The following TTC29 variants were observed in gnomAD, a reference collection of about 807,000 sequenced individuals.
TTC29 encodes the protein tetratricopeptide repeat protein 29.
Under a neutral mutation model 58.1 loss-of-function variants are expected in TTC29, and 49 were observed. The ratio of observed to expected loss-of-function variants is 0.84; its 90% CI spans 0.67 to 1.07. The LOEUF is 1.07. TTC29 is among the 50% of genes least tolerant of loss of function. The pLI is 0.00. For synonymous variants in TTC29, 209 were observed against 196.8 expected, an observed-to-expected ratio of 1.06 and a Z score of -0.52; for missense variants, 582 against 555.6, an observed-to-expected ratio of 1.05 and a Z score of -0.48.
chr4:146,932,083 C>T (rs1735377405), intron 4 of TTC29, among the ~76,000 whole-genome samples: 1 of 151,852 alleles, frequency 6.6e-6, no homozygotes, highest in East Asian at 1.9e-4. Context: ...GTTTCACATC[C>T]TAGAGATCTG....
intron 4 of TTC29, among the ~76,000 whole-genome samples, chr4:146,923,879 T>C (rs1734757843): frequency 6.6e-6 from 1 of 151,810 alleles, no homozygotes; most frequent in Admixed American, 6.6e-5. Flanking sequence ...ATTTCAACTA[T>C]ATTGATAAAA....
chr4:146,845,015 C>T (rs558702441), intron 8 of TTC29, among the ~76,000 whole-genome samples: 2 of 151,580 alleles, frequency 1.3e-5, no homozygotes, highest in South Asian at 2.1e-4. Flanking sequence ...CTCAGCCCCT[C>T]GTCTTCCAGG....
At chr4:146,841,598 C>T (rs181544429) in intron 8 of TTC29, among the ~76,000 whole-genome samples, 2 of 151,836 alleles carry the variant, frequency 1.3e-5, no homozygotes, top group Admixed American at 6.6e-5. Flanking sequence ...TCCTCTGTAC[C>T]TATTCCTTTC....
intron 5 of TTC29, among the ~76,000 whole-genome samples, chr4:146,908,342 C>T (rs959245073): frequency 2.6e-5 from 4 of 151,954 alleles, no homozygotes; most frequent in African/African-American, 9.7e-5. Context: ...GTTAAAATGA[C>T]CAGTTCCTAA....
At chr4:146,732,334 T>C (rs180932895) in intron 11 of TTC29, among the ~76,000 whole-genome samples, 28 of 152,264 alleles carry the variant, frequency 1.8e-4, no homozygotes, top group Admixed American at 2.6e-4. Context: ...GACTCATGAT[T>C]TGGGGAATTT....
chr4:146,886,882 CT>C (rs1384636749), intron 6 of TTC29, among the ~76,000 whole-genome samples: 1 of 152,016 alleles, frequency 6.6e-6, no homozygotes, highest in Non-Finnish European at 1.5e-5. Context: ...TTTATTCAGC[CT>C]TAAAAAAGAT....
chr4:146,720,101 G>A (rs747697061), intron 11 of TTC29, among the ~76,000 whole-genome samples: 1 of 151,972 alleles, frequency 6.6e-6, no homozygotes, highest in Non-Finnish European at 1.5e-5. Context: ...TGAGAAAATT[G>A]ATTACACTTG....
chr4:146,791,488 G>A (rs1035277561), intron 11 of TTC29, among the ~76,000 whole-genome samples: 3 of 152,152 alleles, frequency 2.0e-5, no homozygotes. Context: ...AATGTTGTGT[G>A]TGTTCTGACT....
At position 146,925,166 on chromosome 4, in the gene TTC29, C is replaced by T. The variant is rs1734842363; in HGVS notation, c.176+12428G>A. Reference sequence around the variant, plus strand: ...GATAAATCCTCCATGCACAGTTGAACATAATGTATTCTACTGTTGTTTGGT... The same window carrying T: ...GATAAATCCTCCATGCACAGTTGAATATAATGTATTCTACTGTTGTTTGGT... On this transcript the variant is annotated intron_variant, in intron 4 of 12. Coordinates refer to ENST00000325106, the MANE Select transcript of TTC29 (RefSeq NM_031956.4). Among the ~76,000 whole-genome samples the T allele has an allele frequency of 2.0e-5, 3 of 151,974 alleles. No homozygotes were observed. The South Asian group carries it at 6.2e-4, about 32-fold the overall frequency.
chr4:146,731,106 C>T (rs1004645012), intron 11 of TTC29, among the ~76,000 whole-genome samples: 5 of 151,990 alleles, frequency 3.3e-5, no homozygotes, highest in African/African-American at 4.8e-5. Context: ...GAGAAACTGG[C>T]CTATGCTGGG....
chr4:146,859,662 A>G (rs886929734), intron 8 of TTC29, among the ~76,000 whole-genome samples: 2 of 152,132 alleles, frequency 1.3e-5, no homozygotes, highest in African/African-American at 4.8e-5. Flanking sequence ...GACCTGAAAG[A>G]GAAAAGAAGG....
intron 11 of TTC29, among the ~76,000 whole-genome samples, chr4:146,718,882 C>T (rs149770629): frequency 2.8e-4 from 42 of 152,182 alleles, no homozygotes; most frequent in African/African-American, 8.4e-4. Context: ...ATTGATTTTG[C>T]GTATGATGTG....
chr4:146,821,389 A>G (rs1380892965), intron 9 of TTC29, among the ~76,000 whole-genome samples: 2 of 152,188 alleles, frequency 1.3e-5, no homozygotes, highest in African/African-American at 4.8e-5. Context: ...ACAATTGTTA[A>G]AGTCATAATT....
intron 10 of TTC29, among the ~76,000 whole-genome samples, chr4:146,817,564 C>T (rs1486439417): frequency 6.6e-6 from 1 of 152,148 alleles, no homozygotes; most frequent in African/African-American, 2.4e-5. Context: ...ACTTTCTTCA[C>T]AGAATTGGAA....
At chr4:146,842,263 A>AATC (rs1355520894) in intron 8 of TTC29, among the ~76,000 whole-genome samples, 2 of 152,092 alleles carry the variant, frequency 1.3e-5, no homozygotes, top group Non-Finnish European at 2.9e-5. Context: ...CTAGCCATTC[A>AATC]ATCACTGGAG....
intron 4 of TTC29, among the ~76,000 whole-genome samples, chr4:146,918,768 A>C (rs1734396369): frequency 6.6e-6 from 1 of 151,174 alleles, no homozygotes; most frequent in Admixed American, 6.6e-5. Context: ...AATTGTTATC[A>C]ACCAGGAATG....
chr4:146,784,792 CCTT>C (rs751695428), intron 11 of TTC29, among the ~76,000 whole-genome samples: 3 of 152,170 alleles, frequency 2.0e-5, no homozygotes, highest in Non-Finnish European at 4.4e-5. Context: ...GTACACTTCA[CCTT>C]CTGTGAAATT....
At chr4:146,734,726 T>G (rs375261850) in intron 11 of TTC29, among the ~76,000 whole-genome samples, 2 of 152,106 alleles carry the variant, frequency 1.3e-5, no homozygotes, top group Non-Finnish European at 2.9e-5. Flanking sequence ...ATGTTGATGA[T>G]TGCTGTGGTG....
intron 2 of TTC29, among the ~76,000 whole-genome samples, chr4:146,941,994 T>C (rs979207389): frequency 3.9e-5 from 6 of 151,982 alleles, no homozygotes; most frequent in Non-Finnish European, 5.9e-5. Context: ...ATGGTGGAGG[T>C]AGGGGTGCAG....
Sources: allele counts gnomAD v4.1 joint callset (sites outside exome capture counted in the v4.1 genomes callset), GRCh38; gene constraint gnomAD v4.1.1; transcripts MANE v1.5; gene names NCBI Gene and HGNC (gene_info 2026-07-23, HGNC 2026-07-21).